C4orf51: variants seen among roughly 807,000 people sequenced by gnomAD.
C4orf51 encodes chromosome 4 open reading frame 51, also known as uncharacterized protein C4orf51.
A neutral mutation model predicts 25.2 loss-of-function variants in C4orf51; 25 were observed. The ratio of observed to expected loss-of-function variants is 0.99; its 90% CI spans 0.72 to 1.39. The LOEUF is 1.39. Among genes scored for constraint, C4orf51 ranks in the 40% most tolerant of loss-of-function variants. The pLI, the probability that C4orf51 is intolerant of heterozygous loss-of-function variation, is 0.00. For missense variants in C4orf51, 252 were observed against 239.6 expected (o/e 1.05, Z -0.34); for synonymous variants, 100 against 84.5 (o/e 1.18, Z -1.01).
chr4:145,726,379 A>T (rs566544549), intron 2 of C4orf51, among the ~76,000 whole-genome samples: 1 of 152,310 alleles, frequency 6.6e-6, no homozygotes, highest in South Asian at 2.1e-4. Context: ...GATATTTCAA[A>T]TAAAAAAAGA....
intron 1 of C4orf51, among the ~76,000 whole-genome samples, chr4:145,748,449 G>A (rs1343578636): frequency 6.6e-6 from 1 of 151,670 alleles, no homozygotes; most frequent in East Asian, 1.9e-4. Flanking sequence ...GTTTGCTCTT[G>A]CTTTTGTAGT....
intron 1 of C4orf51, among the ~76,000 whole-genome samples, chr4:145,690,575 G>C (rs572934292): frequency 6.6e-6 from 1 of 152,150 alleles, no homozygotes; most frequent in South Asian, 2.1e-4. Flanking sequence ...TGCCATAGGC[G>C]AAGAATTCAT....
intron 1 of C4orf51, among the ~76,000 whole-genome samples, chr4:145,684,877 C>T (rs899699372): frequency 3.9e-5 from 6 of 152,016 alleles, no homozygotes; most frequent in Non-Finnish European, 8.8e-5. Flanking sequence ...TAAGGAGAGA[C>T]ATTTTCTAAC....
chr4:145,728,680 A>G (rs1253865209), intron 3 of C4orf51, among the ~76,000 whole-genome samples: 1 of 152,234 alleles, frequency 6.6e-6, no homozygotes. Flanking sequence ...AACTAATGCT[A>G]GAATGGAGCT....
In C4orf51 at chr4:145,765,220, C is replaced by G; in HGVS notation, n.167-5768C>G. The G allele has an allele frequency of 6.6e-7, 1 of 1,514,888 alleles. No individual in the cohort carries two copies. The highest frequency in any genetic ancestry group is 8.9e-7 in the Non-Finnish European group (1 of 1,126,878). 93.8% of individuals were successfully genotyped at this position (1,514,888 alleles called of 1,614,324 possible). A position where few individuals can be genotyped will look rare whatever the true frequency, so the allele number is the denominator to read the frequency against. ...GCACAGGGCAGCGGGGAGAGGAGGG[C>G]AGGAGTGGAGCCAAGCTCCTCCCCA... On this transcript the variant is annotated intron_variant and non_coding_transcript_variant, in intron 1 of 1. Coordinates refer to the C4orf51 transcript ENST00000510096. This position sits in a 1 kb window ranked among gnomAD's most constrained non-coding sequence, Gnocchi z 4.7.
chr4:145,693,349 G>A (rs1011000383), intron 1 of C4orf51, among the ~76,000 whole-genome samples: 9 of 150,932 alleles, frequency 6.0e-5, no homozygotes, highest in Admixed American at 1.3e-4. Context: ...AGGGTTGGGG[G>A]TAAGGTCACA....
At chr4:145,691,974 AGCTGATAGGAATGTAAGTTGATATTGC>A (rs1729603404) in intron 1 of C4orf51, among the ~76,000 whole-genome samples, 4 of 152,144 alleles carry the variant, frequency 2.6e-5, no homozygotes, top group African/African-American at 4.8e-5. Context: ...TCTGATATAC[AGCTGATAGGAATGTAAGTTGATATTGC>A]TCTTTAGAAA....
Position 145,738,852 on chromosome 4 carries a change from G to A in C4orf51, n.167+6233G>A, listed in dbSNP as rs969014596. Among the ~76,000 whole-genome samples, 8 of 152,180 alleles carry A rather than the reference G, an allele frequency of 5.3e-5. No homozygotes were observed. In the South Asian group the frequency reaches 1.5e-3, roughly 28 times the overall value. ...GATGAGGTTTCACCATGTTGCCCAG[G>A]CTGGTCTCAAACTTCTGGGCTCAAG... is the stretch of plus-strand genomic sequence containing the variant. On this transcript the variant is annotated intron_variant and non_coding_transcript_variant, in intron 1 of 1. Coordinates refer to the C4orf51 transcript ENST00000508981.
Position 145,749,596 on chromosome 4 carries a change from T to C in C4orf51, n.168-4611T>C, listed in dbSNP as rs116175367. Among the ~76,000 whole-genome samples, 347 of 152,258 alleles carry C rather than the reference T, an allele frequency of 2.3e-3. 2 individuals are homozygous for C. The highest frequency in any genetic ancestry group is 8.0e-3 in the African/African-American group (331 of 41,556). On this transcript the variant is annotated intron_variant and non_coding_transcript_variant, in intron 1 of 1. Coordinates refer to the C4orf51 transcript ENST00000508981. ...CTGTTATATGTTTTTTGGTTTGAAG[T>C]TACTATGAGATTTGTAAATACTATC... is the stretch of plus-strand genomic sequence containing the variant.
intron 1 of C4orf51, among the ~76,000 whole-genome samples, chr4:145,748,588 A>G (rs553549544): frequency 6.6e-6 from 1 of 152,056 alleles, no homozygotes; most frequent in African/African-American, 2.4e-5. Context: ...TCCAATTATC[A>G]TTTGTTTCAA....
At position 145,761,564 on chromosome 4, in the gene C4orf51, C is replaced by A. The variant is rs774851537; in HGVS notation, n.167-9424C>A. 1 of 1,276,322 alleles carries A rather than the reference C, an allele frequency of 7.8e-7. No individual in the cohort carries two copies. The highest frequency in any genetic ancestry group is 1.0e-6 in the Non-Finnish European group (1 of 979,166). The allele number at this position is 1,276,322 out of a possible 1,614,324, so 79.1% of individuals were successfully genotyped here. On this transcript the variant is annotated intron_variant and non_coding_transcript_variant, in intron 1 of 1. Coordinates refer to the C4orf51 transcript ENST00000510096. This position sits in a 1 kb window ranked among gnomAD's most constrained non-coding sequence, Gnocchi z 6.8. The stretch of plus-strand genomic sequence containing the variant: ...GTCTTGAGGTGGCACTCCATGGCAG[C>A]GGGGCGGTTGGTGGAATAAATGCAG...
chr4:145,686,984 A>G (rs981864389), intron 1 of C4orf51, among the ~76,000 whole-genome samples: 1 of 143,142 alleles, frequency 7.0e-6, no homozygotes, highest in African/African-American at 2.7e-5. Context: ...TCACCCTTTC[A>G]GAAGACATTG....
intron 1 of C4orf51, among the ~76,000 whole-genome samples, chr4:145,681,917 T>G (rs1240420061): frequency 2.6e-5 from 4 of 152,140 alleles, no homozygotes; most frequent in African/African-American, 9.7e-5. Context: ...AACTTTTGAG[T>G]GACACACTCA....
At chr4:145,777,920 T>C in the C4orf51 span, among the ~76,000 whole-genome samples, 1 of 152,280 alleles carries the variant, frequency 6.6e-6, no homozygotes, top group South Asian at 2.1e-4. Flanking sequence ...TTTTCTTTGG[T>C]CCAATTAGGC....
downstream of C4orf51, chr4:145,775,890 C>T: frequency 4.3e-6 from 7 of 1,614,156 alleles, no homozygotes; most frequent in Non-Finnish European, 5.9e-6. Flanking sequence ...AATGGACGGT[C>T]AAGTGCTGGT....
intron 1 of C4orf51, among the ~76,000 whole-genome samples, chr4:145,687,429 C>T (rs886422441): frequency 2.0e-5 from 3 of 152,216 alleles, no homozygotes; most frequent in Admixed American, 6.5e-5. Flanking sequence ...GTCATAGGCA[C>T]ACATCCTTAA....
the C4orf51 span, among the ~76,000 whole-genome samples, chr4:145,776,174 C>T: frequency 2.6e-5 from 4 of 152,094 alleles, no homozygotes; most frequent in South Asian, 4.1e-4. Flanking sequence ...AGAAAATCTC[C>T]GGCTGGGCAC....
At chr4:145,733,181 G>A (rs1457784107), downstream of C4orf51, among the ~76,000 whole-genome samples, 4 of 120,316 alleles carry the variant, frequency 3.3e-5, no homozygotes, top group Non-Finnish European at 7.3e-5. Context: ...TCCCCTCCCC[G>A]GTCCGCCTCT....
chr4:145,704,185 G>A (rs1730648221), intron 2 of C4orf51, among the ~76,000 whole-genome samples: 2 of 152,180 alleles, frequency 1.3e-5, no homozygotes, highest in African/African-American at 4.8e-5. Flanking sequence ...AGAATAGATG[G>A]TAAATGTTTC....
Sources: gnomAD v4.1 joint callset for allele counts (sites outside exome capture counted in the v4.1 genomes callset) on GRCh38, gnomAD v4.1.1 for gene constraint, Gnocchi (gnomAD v3.1) non-coding constraint, MANE v1.5 for transcripts, NCBI Gene and HGNC (gene_info 2026-07-23, HGNC 2026-07-21) for gene names.